Variants in BRAF observed in about 807,000 individuals in gnomAD.
BRAF encodes serine/threonine-protein kinase B-raf.
BRAF carries 16 observed loss-of-function variants against 104.6 expected under a neutral mutation model. The observed-to-expected ratio is 0.15, with a 90% CI of 0.10 to 0.23. The LOEUF is 0.23. BRAF is among the 10% of genes least tolerant of loss of function. The pLI is 1.00. For synonymous variants in BRAF, 310 were observed against 341.6 expected, an observed-to-expected ratio of 0.91 and a Z score of 1.02; for missense variants, 541 against 937.3, an observed-to-expected ratio of 0.58 and a Z score of 5.52.
Position 140,835,847 on chromosome 7 carries a change from T to C in BRAF, c.241-975A>G, listed in dbSNP as rs1444504096. 3 of 152,214 alleles carry C rather than the reference T, an allele frequency of 2.0e-5. No individual in the cohort carries two copies. In the East Asian group the frequency reaches 5.8e-4, roughly 29 times the overall value. The allele number at this position is 152,214 out of a possible 1,614,324, so 9.4% of individuals were successfully genotyped here. ...TACCTACCATCTCAAATAGATGCAA[T>C]ACTACAAACATTTATGAAAGAGAGA... is the stretch of plus-strand genomic sequence containing the variant. On this transcript the variant is annotated intron_variant, in intron 2 of 19. Coordinates refer to ENST00000644969, the MANE Select transcript of BRAF (RefSeq NM_001374258.1).
chr7:140,888,456 C>T (rs1387904355), intron 1 of BRAF, among the ~76,000 whole-genome samples: 1 of 152,078 alleles, frequency 6.6e-6, no homozygotes, highest in Admixed American at 6.5e-5. Context: ...CTGAAGAAAA[C>T]ATTATTGCTG....
intron 18 of BRAF, among the ~76,000 whole-genome samples, chr7:140,739,479 C>T: frequency 7.0e-6 from 1 of 143,690 alleles, no homozygotes; most frequent in Non-Finnish European, 1.5e-5. Flanking sequence ...GTTTTAATTT[C>T]TAATAAGGAA....
chr7:140,845,468 T>C (rs1240509214), intron 2 of BRAF, among the ~76,000 whole-genome samples: 2 of 152,136 alleles, frequency 1.3e-5, no homozygotes, highest in African/African-American at 2.4e-5. Context: ...CTAGACTATA[T>C]AAAGAACTAC....
At chr7:140,728,201 T>A (rs1795721863) in intron 19 of BRAF, among the ~76,000 whole-genome samples, 1 of 152,128 alleles carries the variant, frequency 6.6e-6, no homozygotes, top group African/African-American at 2.4e-5. Flanking sequence ...GATAACCCTA[T>A]GAGGCAGATG....
intron 14 of BRAF, among the ~76,000 whole-genome samples, chr7:140,763,105 T>A (rs1015972106): frequency 6.6e-6 from 1 of 152,224 alleles, no homozygotes; most frequent in African/African-American, 2.4e-5. Flanking sequence ...CATGGCCCGT[T>A]CTCAATGAGC....
chr7:140,848,580 A>G (rs1427272866), intron 2 of BRAF, among the ~76,000 whole-genome samples: 3 of 152,236 alleles, frequency 2.0e-5, no homozygotes, highest in Non-Finnish European at 4.4e-5. Context: ...AATGAATTAC[A>G]TCTCAGCATG....
chr7:140,849,471 T>C (rs1259026197), intron 2 of BRAF, among the ~76,000 whole-genome samples: 2 of 151,454 alleles, frequency 1.3e-5, no homozygotes, highest in East Asian at 1.9e-4. Flanking sequence ...TTTTCCAATA[T>C]GGTAACTGGT....
rs556979979 is a variant in BRAF, at chr7:140,873,999, G to A, written c.139-23787C>T. On this transcript the variant is annotated intron_variant, in intron 1 of 19. Coordinates refer to ENST00000644969, the MANE Select transcript of BRAF (RefSeq NM_001374258.1). Reference sequence around the variant, plus strand: ...AAAATAAAAACAAGGAGGGGAAAAAGAACAAATTGAGCAGAAATATTAGTA... The same window carrying A: ...AAAATAAAAACAAGGAGGGGAAAAAAAACAAATTGAGCAGAAATATTAGTA... Among the ~76,000 whole-genome samples, 16 of 152,236 alleles carry A rather than the reference G, an allele frequency of 1.1e-4. No homozygotes were observed. The South Asian group carries it at 1.4e-3, about 14-fold the overall frequency.
chr7:140,767,168 T>TA (rs1162415621), intron 14 of BRAF, among the ~76,000 whole-genome samples: 2 of 152,008 alleles, frequency 1.3e-5, no homozygotes, highest in Admixed American at 1.3e-4. Flanking sequence ...CACGCCTGGC[T>TA]AATTTTTGTA....
At chr7:140,812,220 G>T (rs1236970866) in intron 3 of BRAF, among the ~76,000 whole-genome samples, 2 of 151,490 alleles carry the variant, frequency 1.3e-5, no homozygotes, top group Non-Finnish European at 2.9e-5. Context: ...GAGAGAGAAA[G>T]ACTTCTGAGA....
At chr7:140,750,045 T>C (rs1487080193) in intron 16 of BRAF, among the ~76,000 whole-genome samples, 1 of 152,212 alleles carries the variant, frequency 6.6e-6, no homozygotes, top group African/African-American at 2.4e-5. Context: ...TGGCTGCTGC[T>C]TCTTGGGCAA....
chr7:140,916,821 A>G (rs1817682161), intron 1 of BRAF, among the ~76,000 whole-genome samples: 1 of 152,182 alleles, frequency 6.6e-6, no homozygotes, highest in Non-Finnish European at 1.5e-5. Context: ...TCTCCTTCCA[A>G]AAGTATGGTA....
rs938523440 is a variant in BRAF at position 140,889,855 on chromosome 7, C to A, written c.138+34711G>T. ...TGGTTGTACATTATACAATAGGAAG[C>A]GAGGGGGTTGGGGGTTCCAATAGCA... On this transcript the variant is annotated intron_variant, in intron 1 of 19. Transcript: ENST00000644969. Among the ~76,000 whole-genome samples the A allele has an allele frequency of 7.2e-5, 11 of 152,182 alleles. No homozygotes were observed. The East Asian group carries it at 2.1e-3, about 29-fold the overall frequency.
intron 1 of BRAF, among the ~76,000 whole-genome samples, chr7:140,879,424 C>A (rs983758333): frequency 6.6e-6 from 1 of 151,846 alleles, no homozygotes; most frequent in Non-Finnish European, 1.5e-5. Flanking sequence ...TTGTGATCTG[C>A]CTGCCTCAGC....
intron 5 of BRAF, 47 bp from the exon 6 acceptor site, chr7:140,801,607 T>G (rs1475784414): frequency 6.3e-7 from 1 of 1,585,096 alleles, no homozygotes; most frequent in Non-Finnish European, 8.6e-7. Flanking sequence ...ACAAGAAAAC[T>G]TTCTAGAAAC....
chr7:140,891,347 T>C (rs1005408035), intron 1 of BRAF, among the ~76,000 whole-genome samples: 3 of 152,322 alleles, frequency 2.0e-5, no homozygotes, highest in Admixed American at 6.5e-5. Context: ...ACCATGATCC[T>C]TGGATGCGGA....
intron 1 of BRAF, among the ~76,000 whole-genome samples, chr7:140,913,831 T>C (rs912179357): frequency 3.3e-5 from 5 of 152,170 alleles, no homozygotes; most frequent in African/African-American, 9.7e-5. Context: ...CCAGTTTTCC[T>C]ATAAATGGAA....
At chr7:140,863,294 C>A (rs1810608044) in intron 1 of BRAF, among the ~76,000 whole-genome samples, 1 of 152,038 alleles carries the variant, frequency 6.6e-6, no homozygotes, top group Admixed American at 6.5e-5. Context: ...AGGAAATACA[C>A]CCCACAAAAA....
At chr7:140,874,140 G>A (rs1438444676) in intron 1 of BRAF, among the ~76,000 whole-genome samples, 7 of 151,678 alleles carry the variant, frequency 4.6e-5, no homozygotes, top group Middle Eastern at 3.5e-3. Flanking sequence ...AGCAGTAGAC[G>A]ATTGGGATAG....
Sources: allele counts gnomAD v4.1 joint callset (sites outside exome capture counted in the v4.1 genomes callset), GRCh38; gene constraint gnomAD v4.1.1; transcripts MANE v1.5; gene names NCBI Gene and HGNC (gene_info 2026-07-23, HGNC 2026-07-21).